The following BMAL1 variants were observed in gnomAD, a reference collection of about 807,000 sequenced individuals.
BMAL1 encodes the protein basic helix-loop-helix ARNT like 1.
chr11:13,341,039 C>T, the BMAL1 span, among the ~76,000 whole-genome samples: 73 of 152,326 alleles, frequency 4.8e-4, no homozygotes, highest in Middle Eastern at 3.4e-3. Context: ...CCCTGACCAC[C>T]ATCCTGCCCT....
At chr11:13,341,947 T>TC in the BMAL1 span, among the ~76,000 whole-genome samples, 15 of 152,142 alleles carry the variant, frequency 9.9e-5, no homozygotes, top group African/African-American at 3.4e-4. Context: ...GCCAGCCTGG[T>TC]CCCCAGAGTG....
the BMAL1 span, chr11:13,365,322 A>ACACACAC: frequency 1.9e-5 from 6 of 309,482 alleles, no homozygotes; most frequent in East Asian, 5.5e-5. Context: ...CACACACACA[A>ACACACAC]TCTTACAGTT....
At chr11:13,375,694 A>G in the BMAL1 span, 7 of 1,606,068 alleles carry the variant, frequency 4.4e-6, no homozygotes, top group Non-Finnish European at 5.9e-6. Flanking sequence ...TACGGAGTCG[A>G]TGGTTCAGTT....
the BMAL1 span, chr11:13,369,685 T>G: frequency 9.9e-6 from 16 of 1,614,186 alleles, no homozygotes; most frequent in East Asian, 1.8e-4. Context: ...CACGACGTTC[T>G]TTCTTCTGTA....
chr11:13,277,468 G>T, the BMAL1 span, among the ~76,000 whole-genome samples: 1 of 152,064 alleles, frequency 6.6e-6, no homozygotes, highest in African/African-American at 2.4e-5. Flanking sequence ...TCCTCTCCTC[G>T]GGGCGTGCGC....
chr11:13,334,373 T>A, the BMAL1 span, among the ~76,000 whole-genome samples: 26 of 152,222 alleles, frequency 1.7e-4, no homozygotes, highest in Non-Finnish European at 3.2e-4. Flanking sequence ...CCATTTTCTG[T>A]GAAACCTTCA....
the BMAL1 span, among the ~76,000 whole-genome samples, chr11:13,323,404 T>C: frequency 0.99 from 150,373 of 152,284 alleles, 74,276 homozygotes; most frequent in East Asian, 1. Flanking sequence ...TTCCCAGACC[T>C]AACATAACTA....
chr11:13,324,374 C>T, the BMAL1 span, among the ~76,000 whole-genome samples: 8 of 106,276 alleles, frequency 7.5e-5, no homozygotes, highest in East Asian at 2.4e-4. Context: ...TTTCAGCTGC[C>T]GCATCTTTTC....
At chr11:13,278,648 A>G in the BMAL1 span, among the ~76,000 whole-genome samples, 2 of 152,156 alleles carry the variant, frequency 1.3e-5, no homozygotes, top group African/African-American at 2.4e-5. Flanking sequence ...TGTGCCGTCC[A>G]GGTCCTGGGC....
At chr11:13,354,290 A>G in the BMAL1 span, 1 of 1,451,410 alleles carries the variant, frequency 6.9e-7, no homozygotes, top group Non-Finnish European at 9.3e-7. Flanking sequence ...TGCCTCTTGT[A>G]ACAATTCCAG....
chr11:13,278,195 C>T, the BMAL1 span, among the ~76,000 whole-genome samples: 1 of 152,218 alleles, frequency 6.6e-6, no homozygotes, highest in Non-Finnish European at 1.5e-5. Flanking sequence ...CTAGGGCAGG[C>T]AGAGGTGCTG....
At chr11:13,354,424 G>A in the BMAL1 span, 2 of 1,614,098 alleles carry the variant, frequency 1.2e-6, no homozygotes, top group Non-Finnish European at 8.5e-7. Flanking sequence ...AACCGCAAAC[G>A]GAAAGGCAGC....
the BMAL1 span, among the ~76,000 whole-genome samples, chr11:13,368,106 T>A: frequency 3.3e-5 from 5 of 152,386 alleles, no homozygotes; most frequent in East Asian, 1.9e-4. Context: ...TTGGCTTTTT[T>A]AAGTGACCTT....
the BMAL1 span, among the ~76,000 whole-genome samples, chr11:13,289,789 A>G: frequency 1.3e-5 from 2 of 152,202 alleles, no homozygotes; most frequent in African/African-American, 2.4e-5. Context: ...TCATTGATGG[A>G]CATTTGGGTT....
the BMAL1 span, chr11:13,354,622 A>C: frequency 1.3e-6 from 1 of 798,124 alleles, no homozygotes; most frequent in African/African-American, 1.7e-5. Context: ...GTTTGTAAGC[A>C]AGAAGGAGCC....
the BMAL1 span, among the ~76,000 whole-genome samples, chr11:13,315,872 A>G: frequency 2.0e-5 from 3 of 152,090 alleles, no homozygotes; most frequent in Non-Finnish European, 2.9e-5. Flanking sequence ...GTGGGCTAGG[A>G]CCATAAAAGA....
chr11:13,385,711 A>C, the BMAL1 span: 1 of 1,613,364 alleles, frequency 6.2e-7, no homozygotes, highest in Non-Finnish European at 8.5e-7. Flanking sequence ...GGGACTCCAG[A>C]CATTCCTTCC....
At chr11:13,284,077 G>GGTGTGTGT in the BMAL1 span, among the ~76,000 whole-genome samples, 93 of 85,616 alleles carry the variant, frequency 1.1e-3, 9 homozygotes, top group African/African-American at 4.6e-3. Context: ...ACAGTGTTGG[G>GGTGTGTGT]GTGTGTGTGT....
the BMAL1 span, among the ~76,000 whole-genome samples, chr11:13,332,202 T>A: frequency 6.6e-6 from 1 of 152,030 alleles, no homozygotes; most frequent in Non-Finnish European, 1.5e-5. Flanking sequence ...AGCCCTTGGG[T>A]TATTGAATCC....
Sources: gnomAD v4.1 joint callset for allele counts (sites outside exome capture counted in the v4.1 genomes callset) on GRCh38, gnomAD v4.1.1 for gene constraint, MANE v1.5 for transcripts, NCBI Gene and HGNC (gene_info 2026-07-23, HGNC 2026-07-21) for gene names.